The following SGK1 variants were observed in gnomAD, a reference collection of about 807,000 sequenced individuals.
SGK1 encodes serum/glucocorticoid regulated kinase 1.
In SGK1, 26 loss-of-function variants were observed where a neutral mutation model predicts 64.2. The ratio of observed to expected loss-of-function variants is 0.40; its 90% CI spans 0.30 to 0.56. The LOEUF (loss-of-function observed/expected upper bound fraction) is 0.56, where lower values mean the gene tolerates loss of function less well. Ranked by LOEUF, SGK1 falls within the 20% of genes least tolerant of loss-of-function variation. SGK1 has a pLI of 0.38. For missense variants in SGK1, 519 were observed against 645.6 expected, an observed-to-expected ratio of 0.80 and a Z score of 2.12; for synonymous variants, 265 against 239.7, an observed-to-expected ratio of 1.11 and a Z score of -0.98.
intron 3 of SGK1, among the ~76,000 whole-genome samples, chr6:134,199,740 A>C (rs2114675121): frequency 6.6e-6 from 1 of 152,140 alleles, no homozygotes; most frequent in South Asian, 2.1e-4. Flanking sequence ...CTCTGGGAAA[A>C]ATTTATACAG....
chr6:134,223,186 T>C (rs1776117445), intron 2 of SGK1, among the ~76,000 whole-genome samples: 1 of 151,890 alleles, frequency 6.6e-6, no homozygotes, highest in East Asian at 1.9e-4. Flanking sequence ...CTGACTAACA[T>C]GGAGAAACCT....
At chr6:134,269,926 CT>C (rs1554226283) in intron 1 of SGK1, among the ~76,000 whole-genome samples, 138 of 140,780 alleles carry the variant, frequency 9.8e-4, no homozygotes, top group Admixed American at 9.5e-4. Context: ...TTCTCTCTCT[CT>C]TTTTTTTTTT....
intron 2 of SGK1, among the ~76,000 whole-genome samples, chr6:134,244,326 T>G (rs1776491979): frequency 6.6e-6 from 1 of 152,222 alleles, no homozygotes; most frequent in Non-Finnish European, 1.5e-5. Flanking sequence ...CTGCATAGTA[T>G]TCCATGATGT....
In SGK1 at chr6:134,315,380, C is replaced by T. The variant is rs189739759; in HGVS notation, c.69+2012G>A. ...GTTAGAAGTTAGATGAAGCTGCCTG[C>T]CAGTTATCTTGGTAGAAACTTCTTT... On this transcript the variant is annotated intron_variant, in intron 1 of 13. Transcript: ENST00000367858. Among the ~76,000 whole-genome samples the T allele has an allele frequency of 9.2e-5, 14 of 152,240 alleles. No homozygotes were observed. In the East Asian group the frequency reaches 2.7e-3, roughly 29 times the overall value.
chr6:134,204,746 G>T (rs1775741025), intron 3 of SGK1, among the ~76,000 whole-genome samples: 4 of 151,946 alleles, frequency 2.6e-5, no homozygotes, highest in Admixed American at 2.6e-4. Flanking sequence ...TAGAGAAGGG[G>T]TTTCACCATG....
chr6:134,199,393 T>A (rs765718105), intron 3 of SGK1, among the ~76,000 whole-genome samples: 2 of 151,940 alleles, frequency 1.3e-5, no homozygotes, highest in Non-Finnish European at 2.9e-5. Context: ...ACCGGATCTC[T>A]ACTAAAAATA....
At chr6:134,217,795 G>T (rs1475356122) in intron 2 of SGK1, among the ~76,000 whole-genome samples, 1 of 152,132 alleles carries the variant, frequency 6.6e-6, no homozygotes, top group East Asian at 1.9e-4. Context: ...TGAGGCCTAG[G>T]AACAATACTT....
intron 2 of SGK1, among the ~76,000 whole-genome samples, chr6:134,252,654 T>C (rs1776623598): frequency 7.3e-6 from 1 of 137,560 alleles, no homozygotes; most frequent in Non-Finnish European, 1.5e-5. Flanking sequence ...GCAGACAGGA[T>C]TGTAAGGTAA....
chr6:134,279,079 G>A (rs1386058841), intron 1 of SGK1, among the ~76,000 whole-genome samples: 2 of 152,176 alleles, frequency 1.3e-5, no homozygotes, highest in East Asian at 1.9e-4. Context: ...GTGGTGGCAT[G>A]CACCTGGAGT....
At chr6:134,235,135 C>A (rs1313520882) in intron 2 of SGK1, among the ~76,000 whole-genome samples, 2 of 152,180 alleles carry the variant, frequency 1.3e-5, no homozygotes, top group African/African-American at 4.8e-5. Flanking sequence ...TGGTGTGTAG[C>A]ATAATGGCTT....
chr6:134,226,341 C>G lies in SGK1; in HGVS notation c.286-18910G>C, dbSNP rs142320558. Among the ~76,000 whole-genome samples, 728 of 148,336 alleles carry G rather than the reference C, an allele frequency of 4.9e-3. 4 individuals carry two copies. Among genetic ancestry groups the G allele is most frequent in the Non-Finnish European group, 7.2e-3 (482 of 67,114 alleles). On this transcript the variant is annotated intron_variant, in intron 2 of 13. Transcript: ENST00000367858. ...AAGCAAATGCTGAATCCTGCCCCCC[C>G]TCATCCAAAAAGGTGTTTTTTTTTC...
chr6:134,223,409 C>G (rs983301447), intron 2 of SGK1, among the ~76,000 whole-genome samples: 1 of 151,742 alleles, frequency 6.6e-6, no homozygotes, highest in Non-Finnish European at 1.5e-5. Flanking sequence ...ATTCTTAGGC[C>G]TAGGTTAAAC....
At chr6:134,294,881 T>G (rs892462379) in intron 1 of SGK1, among the ~76,000 whole-genome samples, 1 of 152,200 alleles carries the variant, frequency 6.6e-6, no homozygotes, top group African/African-American at 2.4e-5. Context: ...AGCTAATAAT[T>G]ACTGTAAATT....
At chr6:134,314,561 T>G (rs1419984794) in intron 1 of SGK1, among the ~76,000 whole-genome samples, 2 of 152,202 alleles carry the variant, frequency 1.3e-5, no homozygotes, top group African/African-American at 2.4e-5. Flanking sequence ...GTTTCTTACC[T>G]TATAGGGTTA....
chr6:134,245,268 T>C (rs935313694), intron 2 of SGK1, among the ~76,000 whole-genome samples: 13 of 152,212 alleles, frequency 8.5e-5, no homozygotes, highest in African/African-American at 3.1e-4. Context: ...GCTGTAATAG[T>C]TTAGCTTTCC....
intron 1 of SGK1, among the ~76,000 whole-genome samples, chr6:134,291,036 T>A (rs1004783750): frequency 1.3e-5 from 2 of 152,162 alleles, no homozygotes; most frequent in Non-Finnish European, 2.9e-5. Flanking sequence ...CTGAGGGCCT[T>A]GGGTGCCACA....
intron 1 of SGK1, among the ~76,000 whole-genome samples, chr6:134,314,353 G>A (rs9493898): frequency 2.6e-5 from 4 of 151,354 alleles, no homozygotes; most frequent in African/African-American, 7.3e-5. Flanking sequence ...GTTGGGGGAG[G>A]GGGGTAGGGG....
chr6:134,184,451 G>A (rs1775389284), intron 3 of SGK1, among the ~76,000 whole-genome samples: 1 of 143,744 alleles, frequency 7.0e-6, no homozygotes, highest in Non-Finnish European at 1.5e-5. Context: ...GCCGCAGTGA[G>A]CCGAGATCAC....
chr6:134,312,471 G>GT (rs1777622090), intron 1 of SGK1, among the ~76,000 whole-genome samples: 1 of 152,220 alleles, frequency 6.6e-6, no homozygotes, highest in Non-Finnish European at 1.5e-5. Flanking sequence ...AGTAAACATT[G>GT]TAACCAGACT....
Sources: allele counts gnomAD v4.1 joint callset (sites outside exome capture counted in the v4.1 genomes callset), GRCh38; gene constraint gnomAD v4.1.1; transcripts MANE v1.5; gene names NCBI Gene and HGNC (gene_info 2026-07-23, HGNC 2026-07-21).